Variants in PSD2 observed in about 807,000 individuals in gnomAD.
PSD2 encodes the protein PH and SEC7 domain-containing protein 2.
Under a neutral mutation model 69.8 loss-of-function variants are expected in PSD2, and 38 were observed. The observed-to-expected ratio is 0.54, with a 90% CI of 0.42 to 0.71. PSD2 has a LOEUF of 0.71. Among genes scored for constraint, PSD2 ranks in the 30% least tolerant of loss-of-function variants. PSD2 has a pLI of 0.00. For missense variants in PSD2, 943 were observed against 1,014.5 expected (o/e 0.93, Z 0.96); for synonymous variants, 412 against 423.0 (o/e 0.97, Z 0.32).
intron 7 of PSD2, among the ~76,000 whole-genome samples, chr5:139,824,529 T>C (rs1292449885): frequency 2.6e-5 from 4 of 151,642 alleles, no homozygotes; most frequent in Non-Finnish European, 5.9e-5. Flanking sequence ...CCCGAGTAGC[T>C]GGGACTACAG....
chr5:139,813,342 T>C lies in PSD2; in HGVS notation c.405T>C (p.Asp135=). 1 of 1,572,290 alleles carries C rather than the reference T, an allele frequency of 6.4e-7. No individual in the cohort carries two copies. The highest frequency in any genetic ancestry group is 8.7e-7 in the Non-Finnish European group (1 of 1,153,056). Residue 135 remains aspartate, a synonymous_variant, in exon 3 of 15, where the codon GAT becomes GAC. Transcript: ENST00000274710. ...LDGPGEPDVR[D]GFSATFEKIL... ...GTCCCGGGGAGCCAGATGTGCGGGA[T>C]GGCTTCAGCGCCACGTTTGAGAAGA...
At chr5:139,795,574 C>G (rs1159390899), upstream of PSD2, among the ~76,000 whole-genome samples, 2 of 152,042 alleles carry the variant, frequency 1.3e-5, no homozygotes, top group Non-Finnish European at 2.9e-5. The surrounding 1 kb of genome is among the most constrained non-coding windows in gnomAD (Gnocchi z 4.5). Context: ...CCCTCCCCCC[C>G]TTTCTTAAAG....
At chr5:139,840,322 C>A in intron 14 of PSD2, 152 bp downstream of exon 14, 1 of 826,928 alleles carries the variant, frequency 1.2e-6, no homozygotes, top group African/African-American at 1.7e-5. Context: ...GACCTTTAGT[C>A]CCCAGTCCTT....
chr5:139,833,279 G>A (rs73269477), intron 7 of PSD2, among the ~76,000 whole-genome samples: 25,965 of 151,924 alleles, frequency 0.17, 2,353 homozygotes, highest in African/African-American at 0.24. Flanking sequence ...CCTTGTGATC[G>A]TGGGCATGTC....
At chr5:139,776,113 C>T in the PSD2 span, among the ~76,000 whole-genome samples, 3 of 152,218 alleles carry the variant, frequency 2.0e-5, no homozygotes, top group East Asian at 1.9e-4. Flanking sequence ...GTAACGACAC[C>T]GGCAGGATAA....
the PSD2 span, among the ~76,000 whole-genome samples, chr5:139,750,494 A>G: frequency 6.6e-6 from 1 of 152,114 alleles, no homozygotes; most frequent in Non-Finnish European, 1.5e-5. Context: ...AAAGGGCATG[A>G]CCCTTCCCCA....
the PSD2 span, among the ~76,000 whole-genome samples, chr5:139,789,560 C>G: frequency 1.3e-5 from 2 of 152,154 alleles, no homozygotes; most frequent in African/African-American, 4.8e-5. Context: ...CCTGGGTATT[C>G]CTGTCTCTAA....
the PSD2 span, among the ~76,000 whole-genome samples, chr5:139,751,176 C>G: frequency 6.6e-6 from 1 of 152,048 alleles, no homozygotes; most frequent in Non-Finnish European, 1.5e-5. Context: ...GAGGCAGAGC[C>G]CAGCCTAGCT....
At chr5:139,809,856 CTGT>C (rs761827197) in intron 2 of PSD2, 45 bp downstream of exon 2, 3 of 1,602,152 alleles carry the variant, frequency 1.9e-6, no homozygotes, top group South Asian at 1.1e-5. Context: ...TTTGGCTGTT[CTGT>C]TGTTGTGTGG....
At chr5:139,827,770 TA>T (rs1456904740) in intron 7 of PSD2, among the ~76,000 whole-genome samples, 8 of 152,182 alleles carry the variant, frequency 5.3e-5, no homozygotes, top group Non-Finnish European at 1.2e-4. Flanking sequence ...CAAACACTTA[TA>T]AAACCATCAG....
At chr5:139,812,439 G>A (rs1343131257) in intron 2 of PSD2, among the ~76,000 whole-genome samples, 1 of 152,198 alleles carries the variant, frequency 6.6e-6, no homozygotes, top group Non-Finnish European at 1.5e-5. Flanking sequence ...TTGGGGCCAT[G>A]GGGCTGACAA....
chr5:139,824,852 A>G (rs1399951307), intron 7 of PSD2, among the ~76,000 whole-genome samples: 4 of 152,018 alleles, frequency 2.6e-5, no homozygotes, highest in Non-Finnish European at 1.5e-5. Flanking sequence ...CACGTCACTC[A>G]TCAAGCAGGG....
chr5:139,800,348 C>T (rs533503750), intron 1 of PSD2, among the ~76,000 whole-genome samples: 119 of 152,250 alleles, frequency 7.8e-4, no homozygotes, highest in Non-Finnish European at 1.3e-3. Context: ...CAGGTGGGTC[C>T]TTAGTGCAGT....
chr5:139,817,721 C>A (rs1216905708), intron 5 of PSD2, among the ~76,000 whole-genome samples, 160 bp downstream of exon 5: 3 of 152,172 alleles, frequency 2.0e-5, no homozygotes, highest in Non-Finnish European at 4.4e-5. Context: ...AGCGGCCCAA[C>A]AGTTAGGCGA....
Position 139,840,201 on chromosome 5 carries a change from C to T in PSD2, c.2112+31C>T. 5 of 1,611,154 alleles carry T rather than the reference C, an allele frequency of 3.1e-6. No homozygotes were observed. In the South Asian group the frequency reaches 4.4e-5, roughly 14 times the overall value. On this transcript the variant is annotated intron_variant, in intron 14 of 14. Transcript: ENST00000274710. ...CCTTGGGGGACTGGATTGCAAAGCC[C>T]AGTGCCCTGCTCTTTCTCCTTCCTG...
the PSD2 span, among the ~76,000 whole-genome samples, chr5:139,769,993 A>G: frequency 6.6e-6 from 1 of 152,208 alleles, no homozygotes; most frequent in African/African-American, 2.4e-5. Context: ...CCAGTGGGAC[A>G]GTGGAGCATG....
chr5:139,829,558 C>A (rs563786819), intron 7 of PSD2, among the ~76,000 whole-genome samples: 5 of 152,152 alleles, frequency 3.3e-5, no homozygotes, highest in Non-Finnish European at 7.4e-5. Flanking sequence ...ATTTGTCTAC[C>A]GTAGATATTT....
rs112472265 is a variant in PSD2 at position 139,837,262 on chromosome 5, T to C, written c.1665+24T>C. ...AGGTGAGAGACTGCCCCAGAGACCTTACTCAGAAAGGGCCAGCTCAGTCCC... is the reference window on the plus strand; with the variant it reads ...AGGTGAGAGACTGCCCCAGAGACCTCACTCAGAAAGGGCCAGCTCAGTCCC... On this transcript the variant is annotated intron_variant, in intron 11 of 14. Coordinates refer to ENST00000274710, the MANE Select transcript of PSD2 (RefSeq NM_032289.4). This position sits in a 1 kb window ranked among gnomAD's most constrained non-coding sequence, Gnocchi z 5.0. 3.5e-4 allele frequency: 562 copies of C among 1,611,748 alleles called. 2 individuals carry two copies. The African/African-American group carries it at 6.9e-3, about 20-fold the overall frequency.
the PSD2 span, among the ~76,000 whole-genome samples, chr5:139,770,447 C>T: frequency 1.3e-5 from 2 of 152,102 alleles, no homozygotes; most frequent in East Asian, 3.8e-4. Flanking sequence ...ATCCCAGCTG[C>T]TCAGGAGGCT....
Sources: gnomAD v4.1 joint callset for allele counts (sites outside exome capture counted in the v4.1 genomes callset) on GRCh38, gnomAD v4.1.1 for gene constraint, Gnocchi (gnomAD v3.1) non-coding constraint, MANE v1.5 for transcripts, NCBI Gene and HGNC (gene_info 2026-07-23, HGNC 2026-07-21) for gene names.